The following CNIH3 variants were observed in gnomAD, a reference collection of about 807,000 sequenced individuals.
CNIH3 encodes cornichon family AMPA receptor auxiliary protein 3.
CNIH3 carries 14 observed loss-of-function variants against 24.1 expected under a neutral mutation model. The ratio of observed to expected loss-of-function variants is 0.58; its 90% CI spans 0.38 to 0.91. The LOEUF (loss-of-function observed/expected upper bound fraction) is 0.91, where lower values mean the gene tolerates loss of function less well. Ranked by LOEUF, CNIH3 falls within the 40% of genes least tolerant of loss-of-function variation. The pLI is 0.00. For missense variants in CNIH3, 178 were observed against 196.8 expected, an observed-to-expected ratio of 0.90 and a Z score of 0.57; for synonymous variants, 68 against 73.8, an observed-to-expected ratio of 0.92 and a Z score of 0.40.
chr1:224,528,507 A>G (rs1678933465), intron 2 of CNIH3, among the ~76,000 whole-genome samples: 1 of 151,772 alleles, frequency 6.6e-6, no homozygotes, highest in African/African-American at 2.4e-5. Flanking sequence ...TTTTTTAGAG[A>G]GTTGGGGGTC....
intron 1 of CNIH3, among the ~76,000 whole-genome samples, chr1:224,505,726 T>C (rs1472021697): frequency 6.6e-6 from 1 of 152,250 alleles, no homozygotes; most frequent in Non-Finnish European, 1.5e-5. Context: ...TTTAGATTGT[T>C]TGTGCCTTTC....
At chr1:224,443,706 T>G (rs997161796) in intron 1 of CNIH3, among the ~76,000 whole-genome samples, 2 of 118,354 alleles carry the variant, frequency 1.7e-5, no homozygotes, top group African/African-American at 5.2e-5. Context: ...TAGATATATA[T>G]ATATATTTTT....
At chr1:224,493,990 C>G (rs961838730) in intron 1 of CNIH3, among the ~76,000 whole-genome samples, 1 of 152,170 alleles carries the variant, frequency 6.6e-6, no homozygotes, top group African/African-American at 2.4e-5. Flanking sequence ...AGGTATTGAT[C>G]TGATGAGAAA....
chr1:224,481,873 A>C (rs901200290), intron 1 of CNIH3, among the ~76,000 whole-genome samples: 1 of 152,200 alleles, frequency 6.6e-6, no homozygotes, highest in African/African-American at 2.4e-5. Context: ...ATGGGTCCAA[A>C]GATGCTGTCC....
intron 5 of CNIH3, among the ~76,000 whole-genome samples, chr1:224,737,681 T>C (rs1214731764): frequency 6.6e-6 from 1 of 152,118 alleles, no homozygotes; most frequent in African/African-American, 2.4e-5. Context: ...ACGGGGTTGA[T>C]AGTTTATAGT....
At position 224,684,771 on chromosome 1, in the gene CNIH3, A is replaced by G. The variant is rs3738363; in HGVS notation, c.151-25A>G. On this transcript the variant is annotated intron_variant, in intron 2 of 5. Transcript: ENST00000272133. This position sits in a 1 kb window ranked among gnomAD's most constrained non-coding sequence, Gnocchi z 4.2. ...AGCAGAACCCCTAACCTCCCCTCTC[A>G]TTTCTTTCTTGTGCATCCTGATAGA... The G allele has an allele frequency of 0.16, 264,108 of 1,609,134 alleles. 23,708 individuals carry two copies. The highest frequency in any genetic ancestry group is 0.34 in the African/African-American group (25,806 of 74,816).
chr1:224,467,461 T>C (rs1290847866), intron 1 of CNIH3, among the ~76,000 whole-genome samples: 1 of 152,220 alleles, frequency 6.6e-6, no homozygotes, highest in Admixed American at 6.5e-5. Context: ...TTTGCTCTCA[T>C]TGCCTAGGCT....
chr1:224,447,733 G>A (rs75768000), intron 1 of CNIH3, among the ~76,000 whole-genome samples: 648 of 152,318 alleles, frequency 4.3e-3, no homozygotes, highest in Non-Finnish European at 7.5e-3. Context: ...TGTCCCCATG[G>A]CCAGTAGGAG....
chr1:224,682,693 A>G (rs1389509766), intron 2 of CNIH3, among the ~76,000 whole-genome samples: 1 of 152,210 alleles, frequency 6.6e-6, no homozygotes, highest in East Asian at 1.9e-4. Context: ...TTTGGCACCA[A>G]CATTACACGC....
At chr1:224,546,967 C>T in intron 3 of CNIH3, 2 of 933,420 alleles carry the variant, frequency 2.1e-6, no homozygotes, top group Non-Finnish European at 2.6e-6. Flanking sequence ...CACTCAACCA[C>T]TGAATTAGGA....
At chr1:224,486,577 G>T (rs1362379142) in intron 1 of CNIH3, among the ~76,000 whole-genome samples, 1 of 152,000 alleles carries the variant, frequency 6.6e-6, no homozygotes, top group Non-Finnish European at 1.5e-5. Context: ...ATATATACAT[G>T]AATATATACG....
chr1:224,666,072 T>G (rs1416389988), intron 1 of CNIH3, among the ~76,000 whole-genome samples: 1 of 152,072 alleles, frequency 6.6e-6, no homozygotes, highest in African/African-American at 2.4e-5. Context: ...TGTTCCAAGT[T>G]CAGAAATACT....
At chr1:224,674,417 T>A (rs1050025832) in intron 1 of CNIH3, among the ~76,000 whole-genome samples, 1 of 151,704 alleles carries the variant, frequency 6.6e-6, no homozygotes, top group South Asian at 2.1e-4. Context: ...AAGCATGAGA[T>A]GCTTTATAGA....
At chr1:224,462,666 G>C (rs11588973) in intron 1 of CNIH3, among the ~76,000 whole-genome samples, 37,556 of 137,114 alleles carry the variant, frequency 0.27, 6,574 homozygotes, top group African/African-American at 0.48. Context: ...TTTGAGATAG[G>C]GTCTCATTCT....
At chr1:224,492,700 G>C (rs1213479963) in intron 1 of CNIH3, among the ~76,000 whole-genome samples, 2 of 152,130 alleles carry the variant, frequency 1.3e-5, no homozygotes, top group Admixed American at 6.5e-5. Context: ...CTTTCTTGAA[G>C]TCATCTCTTT....
intron 1 of CNIH3, among the ~76,000 whole-genome samples, chr1:224,658,630 G>A (rs781241703): frequency 1.3e-5 from 2 of 149,540 alleles, no homozygotes; most frequent in African/African-American, 4.9e-5. Flanking sequence ...ACCAAATCCC[G>A]ACCTTTACTT....
At chr1:224,552,614 G>A (rs1172700557) in intron 3 of CNIH3, among the ~76,000 whole-genome samples, 1 of 151,622 alleles carries the variant, frequency 6.6e-6, no homozygotes, top group Non-Finnish European at 1.5e-5. Flanking sequence ...TAATATCACA[G>A]GGTGTACACC....
At chr1:224,440,823 T>G (rs1021291493) in intron 1 of CNIH3, among the ~76,000 whole-genome samples, 1 of 151,764 alleles carries the variant, frequency 6.6e-6, no homozygotes, top group Non-Finnish European at 1.5e-5. Flanking sequence ...ATTAAGTTTT[T>G]TTTTTTTTTT....
intron 3 of CNIH3, among the ~76,000 whole-genome samples, chr1:224,728,734 G>A (rs539980159): frequency 6.7e-4 from 102 of 152,308 alleles, no homozygotes; most frequent in Non-Finnish European, 1.3e-3. Context: ...TGGTTTGAGG[G>A]AGTTTGTTCT....
Sources: allele counts gnomAD v4.1 joint callset (sites outside exome capture counted in the v4.1 genomes callset), GRCh38; gene constraint gnomAD v4.1.1; non-coding constraint Gnocchi (gnomAD v3.1); transcripts MANE v1.5; gene names NCBI Gene and HGNC (gene_info 2026-07-23, HGNC 2026-07-21).